NDUFAB1: variants seen among roughly 807,000 people sequenced by gnomAD.
NDUFAB1 encodes the protein NADH:ubiquinone oxidoreductase subunit AB1, also known as acyl carrier protein, mitochondrial.
Under a neutral mutation model 16.1 loss-of-function variants are expected in NDUFAB1, and 5 were observed. The ratio of observed to expected loss-of-function variants is 0.31; its 90% CI spans 0.16 to 0.65. NDUFAB1 has a LOEUF of 0.65. Ranked by LOEUF, NDUFAB1 falls within the 30% of genes least tolerant of loss-of-function variation. The pLI, the probability that NDUFAB1 is intolerant of heterozygous loss-of-function variation, is 0.77. For missense variants in NDUFAB1, 187 were observed against 205.3 expected, an observed-to-expected ratio of 0.91 and a Z score of 0.54; for synonymous variants, 85 against 78.4, an observed-to-expected ratio of 1.08 and a Z score of -0.44.
chr16:23,594,662 A>AT (rs1226851081), intron 1 of NDUFAB1, among the ~76,000 whole-genome samples: 1 of 151,320 alleles, frequency 6.6e-6, no homozygotes, highest in Non-Finnish European at 1.5e-5. Flanking sequence ...TAATTTCTGT[A>AT]TTTTTTGTAG....
At chr16:23,595,864 G>A (rs1380858090) in intron 1 of NDUFAB1, among the ~76,000 whole-genome samples, 1 of 152,254 alleles carries the variant, frequency 6.6e-6, no homozygotes, top group Non-Finnish European at 1.5e-5. Flanking sequence ...GCCAGGCTAG[G>A]AGACTTGTCC....
rs1170178328 is a variant in NDUFAB1, at chr16:23,596,248, C to T, written c.43G>A (p.Ala15Thr). 2 of 1,599,780 alleles carry T rather than the reference C, an allele frequency of 1.3e-6. No homozygotes were observed. The highest frequency in any genetic ancestry group is 3.4e-5 in the Admixed American group (2 of 58,260). ...VLSAYVSRLP[A>T]AFAPLPRVRM... Reference sequence around the variant, plus strand: ...ACCCGGGGCAGCGGCGCAAAGGCCGCGGGCAGGCGGCTGACATAGGCTGAA... The same window carrying T: ...ACCCGGGGCAGCGGCGCAAAGGCCGTGGGCAGGCGGCTGACATAGGCTGAA... The change falls in exon 1 of 5, where the codon GCG becomes ACG. Residue 15 changes from alanine to threonine, a missense_variant. By Grantham distance (58) the Ala-to-Thr change is moderately conservative (BLOSUM62 0). Coordinates refer to ENST00000007516, the MANE Select transcript of NDUFAB1 (RefSeq NM_005003.3).
chr16:23,581,570 G>C (rs1323081135), intron 4 of NDUFAB1, among the ~76,000 whole-genome samples: 1 of 150,738 alleles, frequency 6.6e-6, no homozygotes, highest in Non-Finnish European at 1.5e-5. Flanking sequence ...AAAAAATGCA[G>C]GGTCACTAAA....
chr16:23,592,650 A>C (rs1597056540), intron 1 of NDUFAB1, among the ~76,000 whole-genome samples: 1 of 128,092 alleles, frequency 7.8e-6, no homozygotes, highest in Admixed American at 7.6e-5. Flanking sequence ...ACCTGGATCA[A>C]GTATAAGACT....
At chr16:23,588,108 C>G (rs192322956) in intron 1 of NDUFAB1, among the ~76,000 whole-genome samples, 2 of 152,174 alleles carry the variant, frequency 1.3e-5, no homozygotes, top group South Asian at 4.1e-4. Context: ...GAAGGTACGA[C>G]GCAGAATCAG....
chr16:23,584,271 A>AAAAAAAAAAAAAC, intron 3 of NDUFAB1, among the ~76,000 whole-genome samples: 1 of 138,220 alleles, frequency 7.2e-6, no homozygotes, highest in Non-Finnish European at 1.6e-5. Context: ...AAAAAAAAAA[A>AAAAAAAAAAAAAC]AAAGAAACCC....
rs1597051375 is a variant in NDUFAB1, at chr16:23,582,287, T to G, written c.468A>C (p.Glu156Asp). ...DYIADKKDVYE is the reference protein window; with the variant it reads ...DYIADKKDVYD ...TTAAGTCTATTTACCTGATACTTTATTCATATACATCCTTCTTATCTGCAA... is the reference window on the plus strand; with the variant it reads ...TTAAGTCTATTTACCTGATACTTTAGTCATATACATCCTTCTTATCTGCAA... Residue 156 changes from glutamate (E) to aspartate (D), a missense_variant, in exon 4 of 5, where the codon GAA becomes GAC. Physicochemically the swap from Glu to Asp is conservative, Grantham distance 45 (BLOSUM62 2). Coordinates refer to ENST00000007516, the MANE Select transcript of NDUFAB1 (RefSeq NM_005003.3). 6.5e-7 allele frequency: 1 copy of G among 1,534,068 alleles called. No individual in the cohort carries two copies. The highest frequency in any genetic ancestry group is 8.7e-7 in the Non-Finnish European group (1 of 1,143,024).
chr16:23,588,781 C>T (rs978551400), intron 1 of NDUFAB1, among the ~76,000 whole-genome samples: 4 of 152,126 alleles, frequency 2.6e-5, no homozygotes, highest in African/African-American at 7.2e-5. Context: ...AGTTCGAGAC[C>T]AGCCTGGCCA....
chr16:23,593,103 T>G (rs191481882), intron 1 of NDUFAB1, among the ~76,000 whole-genome samples: 189 of 152,288 alleles, frequency 1.2e-3, no homozygotes, highest in African/African-American at 4.4e-3. Flanking sequence ...ACAACTAGCC[T>G]AGGCAACATA....
chr16:23,587,950 GC>G (rs1966247519), intron 1 of NDUFAB1, among the ~76,000 whole-genome samples: 1 of 152,248 alleles, frequency 6.6e-6, no homozygotes, highest in Non-Finnish European at 1.5e-5. Flanking sequence ...CAAACCATGA[GC>G]CCTTCTGGCC....
chr16:23,587,166 A>T (rs781096561), intron 2 of NDUFAB1, 31 bp downstream of exon 2: 1 of 1,594,950 alleles, frequency 6.3e-7, no homozygotes, highest in Non-Finnish European at 8.6e-7. Context: ...CTCTATATTT[A>T]AAGAAAAAAA....
At chr16:23,587,055 G>A (rs905171438) in intron 2 of NDUFAB1, 142 bp downstream of exon 2, 3 of 715,906 alleles carry the variant, frequency 4.2e-6, no homozygotes, top group African/African-American at 3.6e-5. Context: ...CATGAAACTG[G>A]TAGCGCTGGC....
rs991082713 is a variant in NDUFAB1, at chr16:23,583,568, G to A, written c.380-1193C>T. 4.0e-5 allele frequency among the ~76,000 whole-genome samples: 6 copies of A among 150,410 alleles called. No individual in the cohort carries two copies. In the South Asian group the frequency reaches 6.3e-4, roughly 16 times the overall value. On this transcript the variant is annotated intron_variant, in intron 3 of 4. Transcript: ENST00000007516. ...CGACCCCATCTGGGAGGTGAGGAGC[G>A]TCTCTGCCCGGCTGCCCCCTCTGAG...
At chr16:23,583,872 G>C (rs1246634339) in intron 3 of NDUFAB1, among the ~76,000 whole-genome samples, 2 of 152,170 alleles carry the variant, frequency 1.3e-5, no homozygotes, top group African/African-American at 4.8e-5. Flanking sequence ...TGTCTGTGTA[G>C]AAAGAAGTAG....
chr16:23,585,187 G>A (rs889649102), intron 3 of NDUFAB1, 149 bp downstream of exon 3: 9 of 623,862 alleles, frequency 1.4e-5, no homozygotes, highest in Non-Finnish European at 2.6e-5. Context: ...CTGATGGTAA[G>A]TGGGCAGGAA....
chr16:23,588,524 C>T (rs1455824481), intron 1 of NDUFAB1, among the ~76,000 whole-genome samples: 3 of 152,114 alleles, frequency 2.0e-5, no homozygotes, highest in African/African-American at 2.4e-5. Context: ...ATTTTAAGTC[C>T]GAGGCTTGGC....
intron 1 of NDUFAB1, 124 bp downstream of exon 1, chr16:23,595,999 G>C (rs1027866311): frequency 2.9e-5 from 35 of 1,193,618 alleles, no homozygotes; most frequent in Admixed American, 2.3e-4. Context: ...GGGCTGCGGA[G>C]CGAGCCGGCT....
rs527343466 is a variant in NDUFAB1, at chr16:23,582,299, C to G, written c.456G>C (p.Lys152Asn). The G allele has an allele frequency of 6.4e-7, 1 of 1,563,518 alleles. No homozygotes were observed. Among genetic ancestry groups the G allele is most frequent in the Middle Eastern group, 1.7e-4 (1 of 5,920 alleles). ...QEIVDYIADK[K>N]DVYE The stretch of plus-strand genomic sequence containing the variant: ...ACCTGATACTTTATTCATATACATC[C>G]TTCTTATCTGCAATGTAATCTACAA... The change falls in exon 4 of 5, where the codon AAG (lysine) becomes AAC (asparagine). Residue 152 changes from lysine to asparagine, a missense_variant. This residue lies in a region of NDUFAB1 where 32 missense variants were observed against 28.8 expected (regional missense o/e 1.11). Coordinates refer to ENST00000007516, the MANE Select transcript of NDUFAB1 (RefSeq NM_005003.3).
Position 23,585,382 on chromosome 16 carries a change from G to A in NDUFAB1, c.333C>T (p.Asp111=). 1 of 1,613,982 alleles carries A rather than the reference G, an allele frequency of 6.2e-7. No individual in the cohort carries two copies. Among genetic ancestry groups the A allele is most frequent in the Non-Finnish European group, 8.5e-7 (1 of 1,179,890 alleles). ...NSHFMKDLGL[D]SLDQVEIIMA... ...TGATAATCTCCACTTGGTCCAAACT[G>A]TCTAAGCCCAGGTCTTTCATAAAAT... Residue 111 remains aspartate, a synonymous_variant, in exon 3 of 5, where the codon GAC becomes GAT. Coordinates refer to ENST00000007516, the MANE Select transcript of NDUFAB1 (RefSeq NM_005003.3).
Sources: gnomAD v4.1 joint callset for allele counts (sites outside exome capture counted in the v4.1 genomes callset) on GRCh38, gnomAD v4.1.1 for gene constraint, gnomAD v4.1.1 regional missense constraint, MANE v1.5 for transcripts, NCBI Gene and HGNC (gene_info 2026-07-23, HGNC 2026-07-21) for gene names.